COX6B1: variants seen among roughly 807,000 people sequenced by gnomAD.
COX6B1 encodes the protein cytochrome c oxidase subunit 6B1.
COX6B1 carries 2 observed loss-of-function variants against 14.0 expected under a neutral mutation model. The ratio of observed to expected loss-of-function variants is 0.14; its 90% CI spans 0.06 to 0.45. The LOEUF is 0.45. COX6B1 is among the 20% of genes least tolerant of loss of function. COX6B1 has a pLI of 0.98. For missense variants in COX6B1, 81 were observed against 114.2 expected, an observed-to-expected ratio of 0.71 and a Z score of 1.33; for synonymous variants, 30 against 39.7, an observed-to-expected ratio of 0.76 and a Z score of 0.92.
intron 2 of COX6B1, 140 bp downstream of exon 2, chr19:35,651,489 G>A (rs1967824288): frequency 1.4e-6 from 1 of 707,392 alleles, no homozygotes; most frequent in African/African-American, 1.8e-5. Flanking sequence ...ATCACCTGCT[G>A]TTCAGGTCCA....
At chr19:35,655,828 GCTCT>G (rs1455796212) in intron 3 of COX6B1, among the ~76,000 whole-genome samples, 1 of 134,974 alleles carries the variant, frequency 7.4e-6, no homozygotes, top group Non-Finnish European at 1.6e-5. Flanking sequence ...TTTCTCTCTC[GCTCT>G]CTCTTTCTCA....
intron 1 of COX6B1, 53 bp from the exon 2 acceptor site, chr19:35,651,180 G>A: frequency 1.8e-6 from 2 of 1,120,124 alleles, no homozygotes; most frequent in Non-Finnish European, 2.7e-6. Context: ...GGGTAGTCTG[G>A]CTTGCTCAGG....
intron 1 of COX6B1, chr19:35,648,819 C>G: frequency 1.9e-6 from 1 of 532,944 alleles, no homozygotes; most frequent in Non-Finnish European, 3.8e-6. Context: ...TCCCGGGTGT[C>G]CAGTCCATCC....
chr19:35,654,683 C>T lies in COX6B1; in HGVS notation c.207+12C>T. The T allele has an allele frequency of 6.2e-7, 1 of 1,612,594 alleles. No individual in the cohort carries two copies. The highest frequency in any genetic ancestry group is 8.5e-7 in the Non-Finnish European group (1 of 1,178,638). ...GCCCCACATCCTGGGTATGTGCCTC[C>T]TGCCAGGGCCCTTGGGATGCTGGGG... On this transcript the variant is annotated intron_variant, in intron 3 of 3. Transcript: ENST00000649813.
intron 1 of COX6B1, chr19:35,648,841 C>A (rs770144083): frequency 1.9e-6 from 1 of 533,324 alleles, no homozygotes; most frequent in East Asian, 5.4e-5. Flanking sequence ...CCCTTTTGGA[C>A]GTTGGAGGGG....
intron 1 of COX6B1, among the ~76,000 whole-genome samples, chr19:35,650,805 T>C (rs928639890): frequency 6.6e-6 from 1 of 151,150 alleles, no homozygotes; most frequent in Non-Finnish European, 1.5e-5. Context: ...CAGTGTAGAT[T>C]ATGCCAACAA....
intron 2 of COX6B1, 101 bp from the exon 3 acceptor site, chr19:35,654,470 T>G: frequency 1.1e-6 from 1 of 946,588 alleles, no homozygotes; most frequent in East Asian, 2.4e-5. Flanking sequence ...ATCGCACCAC[T>G]GCACTCCAGC....
intron 1 of COX6B1, chr19:35,648,917 C>T (rs751606733): frequency 2.8e-5 from 15 of 533,206 alleles, no homozygotes; most frequent in Non-Finnish European, 5.4e-5. Flanking sequence ...CGGTAACGAT[C>T]CTTCCTACTG....
chr19:35,657,051 A>G (rs1312858757), intron 3 of COX6B1, among the ~76,000 whole-genome samples: 1 of 152,090 alleles, frequency 6.6e-6, no homozygotes, highest in East Asian at 1.9e-4. Context: ...CAGTTTTTCC[A>G]CAGACAGGGT....
At chr19:35,656,806 G>T (rs1967893606) in intron 3 of COX6B1, among the ~76,000 whole-genome samples, 1 of 152,154 alleles carries the variant, frequency 6.6e-6, no homozygotes, top group South Asian at 2.1e-4. Context: ...ATCACATAAG[G>T]TCAACATGCT....
In COX6B1 at chr19:35,658,742, A is replaced by G. The variant is rs1852917052; in HGVS notation, c.*95A>G. 4.5e-6 allele frequency: 5 copies of G among 1,110,206 alleles called. No individual in the cohort carries two copies. Among genetic ancestry groups the G allele is most frequent in the African/African-American group, 3.1e-5 (2 of 65,030 alleles). The allele number at this position is 1,110,206 out of a possible 1,614,324, so 68.8% of individuals were successfully genotyped here. On this transcript the variant is annotated 3_prime_UTR_variant, in exon 4 of 4. Coordinates refer to ENST00000649813, the MANE Select transcript of COX6B1 (RefSeq NM_001863.5). ...AGTGATCCCCACCCCAGGATCCTAA[A>G]TCATGACTTACCTGCTAATAAAAAC...
chr19:35,651,421 A>C, intron 2 of COX6B1, 72 bp downstream of exon 2: 1 of 1,114,466 alleles, frequency 9.0e-7, no homozygotes, highest in Non-Finnish European at 1.4e-6. Context: ...GGACCCATCC[A>C]CCCCAGCCTC....
intron 3 of COX6B1, 85 bp downstream of exon 3, chr19:35,654,756 G>C (rs1967868940): frequency 8.3e-7 from 1 of 1,208,166 alleles, no homozygotes; most frequent in East Asian, 2.4e-5. Flanking sequence ...GAGCTCATCT[G>C]TGAGGGGCAG....
chr19:35,653,746 A>T (rs974031161), intron 2 of COX6B1, among the ~76,000 whole-genome samples: 5 of 148,362 alleles, frequency 3.4e-5, no homozygotes, highest in Non-Finnish European at 7.4e-5. Context: ...GCGCCCAGCT[A>T]ATTTTTTGTA....
At chr19:35,655,234 T>A (rs1348932794) in intron 3 of COX6B1, among the ~76,000 whole-genome samples, 1 of 152,126 alleles carries the variant, frequency 6.6e-6, no homozygotes, top group African/African-American at 2.4e-5. Context: ...TTCACCATGT[T>A]AGCCAGGATA....
At chr19:35,653,419 C>T (rs552906512) in intron 2 of COX6B1, among the ~76,000 whole-genome samples, 5 of 150,898 alleles carry the variant, frequency 3.3e-5, no homozygotes, top group East Asian at 2.0e-4. Flanking sequence ...ACTACAGGCG[C>T]GTGCCACCAT....
At chr19:35,654,801 A>T (rs2146372303) in intron 3 of COX6B1, 130 bp downstream of exon 3, 1 of 753,350 alleles carries the variant, frequency 1.3e-6, no homozygotes, top group East Asian at 2.7e-5. Context: ...CCCAGGACTC[A>T]GTGCCTTTCC....
intron 2 of COX6B1, among the ~76,000 whole-genome samples, chr19:35,652,028 CCTT>C (rs1275647439): frequency 1.3e-5 from 2 of 149,220 alleles, no homozygotes; most frequent in Non-Finnish European, 3.0e-5. Flanking sequence ...CATCTCCCTG[CCTT>C]CTTTTTTTTT....
intron 3 of COX6B1, among the ~76,000 whole-genome samples, chr19:35,655,078 G>A (rs1245779283): frequency 6.7e-6 from 1 of 149,430 alleles, no homozygotes; most frequent in Non-Finnish European, 1.5e-5. Flanking sequence ...TGGAAAGGCT[G>A]GAGTGCAGTG....
Sources: allele counts gnomAD v4.1 joint callset (sites outside exome capture counted in the v4.1 genomes callset), GRCh38; gene constraint gnomAD v4.1.1; transcripts MANE v1.5; gene names NCBI Gene and HGNC (gene_info 2026-07-23, HGNC 2026-07-21).